The following JAK2 variants were observed in gnomAD, a reference collection of about 807,000 sequenced individuals.
JAK2 encodes Janus kinase 2.
A neutral mutation model predicts 139.3 loss-of-function variants in JAK2; 86 were observed. The ratio of observed to expected loss-of-function variants is 0.62; its 90% CI spans 0.52 to 0.74. The LOEUF (loss-of-function observed/expected upper bound fraction) is 0.74. Among genes scored for constraint, JAK2 ranks in the 30% least tolerant of loss-of-function variants. The pLI, the probability that JAK2 is intolerant of heterozygous loss-of-function variation, is 0.00. For synonymous variants in JAK2, 490 were observed against 437.7 expected, an observed-to-expected ratio of 1.12 and a Z score of -1.49; for missense variants, 1,421 against 1,360.3, an observed-to-expected ratio of 1.04 and a Z score of -0.70.
chr9:5,012,863 G>A (rs1383329736), intron 2 of JAK2, among the ~76,000 whole-genome samples: 2 of 152,096 alleles, frequency 1.3e-5, no homozygotes, highest in Non-Finnish European at 2.9e-5. Context: ...ATATGAGGGT[G>A]GCTCCTGTGG....
chr9:5,051,054 C>G (rs928740687), intron 6 of JAK2, among the ~76,000 whole-genome samples: 1 of 152,122 alleles, frequency 6.6e-6, no homozygotes, highest in Non-Finnish European at 1.5e-5. Flanking sequence ...CCAAAATGCT[C>G]TAATGAGCAT....
chr9:5,082,685 AG>A (rs1020571592), intron 19 of JAK2, among the ~76,000 whole-genome samples: 2 of 152,236 alleles, frequency 1.3e-5, no homozygotes, highest in Non-Finnish European at 2.9e-5. Flanking sequence ...CCGGCTTTCC[AG>A]GGCAGAGGTC....
intron 2 of JAK2, among the ~76,000 whole-genome samples, chr9:5,017,781 C>CT (rs1563928948): frequency 1.3e-5 from 2 of 152,184 alleles, no homozygotes; most frequent in South Asian, 4.1e-4. Flanking sequence ...AGTTTTATAT[C>CT]TGTTACAGTA....
chr9:5,019,591 A>G (rs995084429), intron 2 of JAK2, among the ~76,000 whole-genome samples: 3 of 152,122 alleles, frequency 2.0e-5, no homozygotes, highest in Non-Finnish European at 4.4e-5. Context: ...TGGAGATGTC[A>G]TATTTCCCTA....
chr9:5,045,868 T>C (rs188651976), intron 5 of JAK2, among the ~76,000 whole-genome samples: 236 of 152,322 alleles, frequency 1.5e-3, no homozygotes, highest in African/African-American at 5.5e-3. Context: ...AAATATTTCC[T>C]TGAGTCCCTG....
intron 12 of JAK2, among the ~76,000 whole-genome samples, chr9:5,071,912 T>G (rs1194216179): frequency 6.6e-6 from 1 of 152,234 alleles, no homozygotes; most frequent in Non-Finnish European, 1.5e-5. Flanking sequence ...CTAGTATTAG[T>G]AGTAATAGCT....
intron 2 of JAK2, among the ~76,000 whole-genome samples, chr9:5,005,347 A>G (rs1454379021): frequency 2.6e-5 from 4 of 151,476 alleles, no homozygotes; most frequent in Non-Finnish European, 5.9e-5. Flanking sequence ...TTTCTTATCT[A>G]TTTTGGATAT....
intron 23 of JAK2, among the ~76,000 whole-genome samples, chr9:5,124,176 G>T (rs1430965024): frequency 1.3e-5 from 2 of 151,760 alleles, no homozygotes; most frequent in African/African-American, 4.8e-5. Flanking sequence ...TCATTCTGTT[G>T]ATTATTGATT....
intron 2 of JAK2, among the ~76,000 whole-genome samples, chr9:4,998,449 G>T (rs938248761): frequency 6.6e-6 from 1 of 152,086 alleles, no homozygotes; most frequent in Non-Finnish European, 1.5e-5. Context: ...TAGAGACGGG[G>T]TTTCACCATG....
At chr9:4,998,320 T>G (rs1820707953) in intron 2 of JAK2, among the ~76,000 whole-genome samples, 1 of 151,794 alleles carries the variant, frequency 6.6e-6, no homozygotes. Flanking sequence ...GCAGTGGCAT[T>G]ATCTCAGCTC....
intron 20 of JAK2, among the ~76,000 whole-genome samples, 163 bp from the exon 21 acceptor site, chr9:5,090,283 A>T (rs1820476450): frequency 6.6e-6 from 1 of 152,226 alleles, no homozygotes; most frequent in African/African-American, 2.4e-5. Flanking sequence ...TTTTTGATTC[A>T]AAAAGACTAT....
intron 22 of JAK2, chr9:5,100,397 A>G (rs916527859): frequency 6.6e-6 from 1 of 152,254 alleles, no homozygotes; most frequent in African/African-American, 2.4e-5. Context: ...CACTAACTGT[A>G]TACCAATGAT....
At position 5,127,432 on chromosome 9, in the gene JAK2, A is replaced by G; in HGVS notation, c.*641A>G. 4.3e-6 allele frequency: 1 copy of G among 231,720 alleles called. No individual in the cohort carries two copies. The highest frequency in any genetic ancestry group is 8.6e-6 in the Non-Finnish European group (1 of 116,654). The allele number at this position is 231,720 out of a possible 1,614,324, so 14.4% of individuals were successfully genotyped here. On this transcript the variant is annotated 3_prime_UTR_variant, in exon 25 of 25. Transcript: ENST00000381652. Reference sequence around the variant, plus strand: ...AAATATTTTTCACATAAAGGGAACAAATGTCTAGTTTTATTTGTATAGGAA... The same window carrying G: ...AAATATTTTTCACATAAAGGGAACAGATGTCTAGTTTTATTTGTATAGGAA...
At position 5,072,654 on chromosome 9, in the gene JAK2, T is replaced by C. The variant is rs2130547422; in HGVS notation, c.1776+28T>C. On this transcript the variant is annotated intron_variant, in intron 13 of 24. Transcript: ENST00000381652. ...GTGTATGTTCTTTATATTGTTCATG[T>C]AGTTTATGCTGTTTAAAGATGTGCT... 5 of 1,517,132 alleles carry C rather than the reference T, an allele frequency of 3.3e-6. No homozygotes were observed. The South Asian group carries it at 3.9e-5, about 12-fold the overall frequency. The allele number at this position is 1,517,132 out of a possible 1,614,324, so 94.0% of individuals were successfully genotyped here.
intron 22 of JAK2, chr9:5,111,312 C>A: frequency 2.2e-6 from 1 of 460,276 alleles, no homozygotes; most frequent in South Asian, 1.8e-5. Context: ...CCTCAGCAGC[C>A]CCGGACCCCT....
intron 4 of JAK2, among the ~76,000 whole-genome samples, chr9:5,034,251 G>C (rs1054393123): frequency 2.6e-5 from 4 of 152,136 alleles, no homozygotes; most frequent in African/African-American, 4.8e-5. Flanking sequence ...CAAGTCCTTA[G>C]AGACCTACAA....
chr9:5,111,686 G>A (rs981567463), intron 22 of JAK2: 2 of 426,402 alleles, frequency 4.7e-6, no homozygotes, highest in East Asian at 6.7e-5. Flanking sequence ...GGGCAGTGGC[G>A]GAGGCAGCAG....
At chr9:5,040,461 T>G (rs1230759494) in intron 4 of JAK2, among the ~76,000 whole-genome samples, 1 of 152,208 alleles carries the variant, frequency 6.6e-6, no homozygotes, top group Non-Finnish European at 1.5e-5. Flanking sequence ...TTAGGCTTTA[T>G]CAAAGTTAAA....
intron 22 of JAK2, chr9:5,097,806 A>C (rs560755149): frequency 6.6e-6 from 1 of 152,332 alleles, no homozygotes; most frequent in Non-Finnish European, 1.5e-5. Flanking sequence ...ACGTCCTATC[A>C]CCAGGAGCGG....
Sources: allele counts gnomAD v4.1 joint callset (sites outside exome capture counted in the v4.1 genomes callset), GRCh38; gene constraint gnomAD v4.1.1; transcripts MANE v1.5; gene names NCBI Gene and HGNC (gene_info 2026-07-23, HGNC 2026-07-21).